Variants in CLC observed in about 807,000 individuals in gnomAD.
CLC encodes the protein galectin-10.
A neutral mutation model predicts 13.9 loss-of-function variants in CLC; 15 were observed. The observed-to-expected ratio is 1.08, with a 90% CI of 0.72 to 1.66. The LOEUF is 1.66. CLC is among the 40% of genes most tolerant of loss of function. The pLI, the probability that CLC is intolerant of heterozygous loss-of-function variation, is 0.00. For synonymous variants in CLC, 68 were observed against 59.9 expected, an observed-to-expected ratio of 1.14 and a Z score of -0.63; for missense variants, 161 against 169.1, an observed-to-expected ratio of 0.95 and a Z score of 0.27.
At chr19:39,734,872 C>A in intron 2 of CLC, 125 bp downstream of exon 2, 3 of 744,118 alleles carry the variant, frequency 4.0e-6, no homozygotes, top group Non-Finnish European at 7.0e-6. Flanking sequence ...TCTCCAGGAC[C>A]TGCACATTCA....
chr19:39,735,557 C>A (rs896337531), intron 1 of CLC, among the ~76,000 whole-genome samples: 1 of 152,152 alleles, frequency 6.6e-6, no homozygotes, highest in South Asian at 2.1e-4. Context: ...CTCAAGGGAT[C>A]CTCTTGTCTC....
intron 3 of CLC, 146 bp downstream of exon 3, chr19:39,734,136 TG>T: frequency 7.1e-7 from 1 of 1,410,092 alleles, no homozygotes; most frequent in East Asian, 2.5e-5. Context: ...GGGGGAGTTA[TG>T]GGTGATGAAA....
At position 39,731,346 on chromosome 19, in the gene CLC, A is replaced by C; in HGVS notation, c.*34T>G. On this transcript the variant is annotated 3_prime_UTR_variant, in exon 4 of 4. Transcript: ENST00000221804. ...TGGCTTTGGAATCCCAAGTTCACGT[A>C]GAGACAGGGATTCCTTGGCAACATG... 1 of 1,608,188 alleles carries C rather than the reference A, an allele frequency of 6.2e-7. No homozygotes were observed. The highest frequency in any genetic ancestry group is 8.5e-7 in the Non-Finnish European group (1 of 1,176,204).
chr19:39,733,974 C>G, intron 3 of CLC: 1 of 985,170 alleles, frequency 1.0e-6, no homozygotes, highest in Non-Finnish European at 1.2e-6. Flanking sequence ...GCAAGTGAAC[C>G]GACATTGACC....
intron 3 of CLC, chr19:39,734,035 T>C: frequency 4.1e-6 from 4 of 985,334 alleles, no homozygotes; most frequent in African/African-American, 1.7e-5. Context: ...GGAGAGGTGA[T>C]GGCAGAGCAA....
At chr19:39,736,200 AAAAG>A (rs1568501590) in intron 1 of CLC, among the ~76,000 whole-genome samples, 4 of 151,736 alleles carry the variant, frequency 2.6e-5, no homozygotes, top group Admixed American at 6.6e-5. Context: ...ACCAAAAAAA[AAAAG>A]AAAGAAAGAA....
intron 3 of CLC, among the ~76,000 whole-genome samples, 195 bp from the exon 4 acceptor site, chr19:39,731,700 A>G (rs1236588433): frequency 3.9e-5 from 6 of 152,178 alleles, no homozygotes; most frequent in South Asian, 2.1e-4. Context: ...TGTATTTTCA[A>G]TGTTTCCTCT....
chr19:39,736,046 G>A (rs1028647753), intron 1 of CLC, among the ~76,000 whole-genome samples: 9 of 152,248 alleles, frequency 5.9e-5, no homozygotes, highest in African/African-American at 2.2e-4. Context: ...GTGATTTTAT[G>A]TTTAATTTTA....
At chr19:39,734,782 G>A (rs1191936312) in intron 2 of CLC, among the ~76,000 whole-genome samples, 1 of 152,114 alleles carries the variant, frequency 6.6e-6, no homozygotes, top group African/African-American at 2.4e-5. Flanking sequence ...ACAGCCCCAA[G>A]CCTTGAGTGT....
At chr19:39,735,190 C>T (rs1967290704) in intron 1 of CLC, 117 bp from the exon 2 acceptor site, 12 of 708,606 alleles carry the variant, frequency 1.7e-5, no homozygotes, top group Non-Finnish European at 2.8e-5. Flanking sequence ...GGCCTCCCTG[C>T]TCCCACCCTA....
intron 3 of CLC, among the ~76,000 whole-genome samples, chr19:39,732,973 T>C (rs938322025): frequency 6.3e-5 from 9 of 142,876 alleles, no homozygotes; most frequent in South Asian, 2.4e-4. Context: ...GAAACTACCA[T>C]CAGAGTGAAC....
intron 2 of CLC, among the ~76,000 whole-genome samples, 179 bp downstream of exon 2, chr19:39,734,817 GC>G (rs1424645566): frequency 6.6e-6 from 1 of 152,124 alleles, no homozygotes; most frequent in Non-Finnish European, 1.5e-5. Context: ...CCCATGACTA[GC>G]CCCCAGTGCA....
At chr19:39,734,546 C>G in intron 2 of CLC, 53 bp from the exon 3 acceptor site, 1 of 1,451,684 alleles carries the variant, frequency 6.9e-7, no homozygotes, top group African/African-American at 1.4e-5. Context: ...GGGGCACACA[C>G]AAGACACACA....
At position 39,731,298 on chromosome 19, in the gene CLC, T is replaced by TAAGA; in HGVS notation, c.*81_*82insTCTT. On this transcript the variant is annotated 3_prime_UTR_variant, in exon 4 of 4. Coordinates refer to ENST00000221804, the MANE Select transcript of CLC (RefSeq NM_001828.6). The stretch of plus-strand genomic sequence containing the variant: ...TAATGAGCAGGAGTAAGGATTGAAG[T>TAAGA]GAGAAAAGATCATGCTGTTAGCTGG... 1 of 1,424,080 alleles carries TAAGA rather than the reference T, an allele frequency of 7.0e-7. No homozygotes were observed. Among genetic ancestry groups the TAAGA allele is most frequent in the East Asian group, 2.3e-5 (1 of 43,638 alleles). The allele number at this position is 1,424,080 out of a possible 1,614,324, so 88.2% of individuals were successfully genotyped here. A position where few individuals can be genotyped will look rare whatever the true frequency, so the allele number is the denominator to read the frequency against.
chr19:39,733,676 C>G (rs1967261816), intron 3 of CLC, among the ~76,000 whole-genome samples: 1 of 152,180 alleles, frequency 6.6e-6, no homozygotes, highest in African/African-American at 2.4e-5. Context: ...ACTCAACTGT[C>G]ATTCCTAAAG....
intron 3 of CLC, among the ~76,000 whole-genome samples, chr19:39,733,505 C>T (rs1265191710): frequency 6.6e-6 from 1 of 152,278 alleles, no homozygotes; most frequent in Non-Finnish European, 1.5e-5. Flanking sequence ...AATACAGTAA[C>T]ATTTGTGAGA....
chr19:39,737,667 G>A (rs944332663), intron 1 of CLC, among the ~76,000 whole-genome samples: 4 of 151,960 alleles, frequency 2.6e-5, no homozygotes, highest in Admixed American at 6.6e-5. Context: ...TACACATCCC[G>A]TCTAAAGTCA....
At chr19:39,733,722 TA>T (rs1351634012) in intron 3 of CLC, among the ~76,000 whole-genome samples, 4 of 151,894 alleles carry the variant, frequency 2.6e-5, no homozygotes, top group Admixed American at 2.0e-4. Flanking sequence ...AGCATTTGTT[TA>T]AAAACAAATA....
intron 3 of CLC, among the ~76,000 whole-genome samples, chr19:39,732,074 A>C (rs914270790): frequency 1.3e-3 from 99 of 79,006 alleles, no homozygotes; most frequent in East Asian, 2.9e-3. Flanking sequence ...TAAATTATTT[A>C]TTTATTATTT....
Sources: allele counts gnomAD v4.1 joint callset (sites outside exome capture counted in the v4.1 genomes callset), GRCh38; gene constraint gnomAD v4.1.1; transcripts MANE v1.5; gene names NCBI Gene and HGNC (gene_info 2026-07-23, HGNC 2026-07-21).